GPN1: variants seen among roughly 807,000 people sequenced by gnomAD.
GPN1 encodes GPN-loop GTPase 1, also known as ATP(GTP)-binding protein.
GPN1 carries 44 observed loss-of-function variants against 55.9 expected under a neutral mutation model. The ratio of observed to expected loss-of-function variants is 0.79; its 90% confidence interval spans 0.62 to 1.01. The LOEUF (loss-of-function observed/expected upper bound fraction) is 1.01, where lower values mean the gene tolerates loss of function less well. GPN1 is among the 50% of genes least tolerant of loss of function. GPN1 has a pLI of 0.00. For synonymous variants in GPN1, 179 were observed against 162.5 expected, an observed-to-expected ratio of 1.10 and a Z score of -0.77; for missense variants, 466 against 462.8, an observed-to-expected ratio of 1.01 and a Z score of -0.06.
intron 3 of GPN1, chr2:27,631,342 C>T: frequency 2.0e-6 from 1 of 490,792 alleles, no homozygotes; most frequent in Non-Finnish European, 3.6e-6. Flanking sequence ...AGTATTTTGC[C>T]TTGGAGGATC....
At chr2:27,649,268 C>CA (rs996492260) in intron 13 of GPN1, among the ~76,000 whole-genome samples, 571 of 150,506 alleles carry the variant, frequency 3.8e-3, no homozygotes, top group African/African-American at 0.012. Context: ...AACAAACAAA[C>CA]AAAAAAACAC....
At chr2:27,630,423 CTG>C (rs1184548620) in intron 2 of GPN1, among the ~76,000 whole-genome samples, 1 of 117,678 alleles carries the variant, frequency 8.5e-6, no homozygotes. Context: ...GACAGAGTCT[CTG>C]TCACCCAGGC....
intron 9 of GPN1, among the ~76,000 whole-genome samples, 162 bp from the exon 10 acceptor site, chr2:27,639,881 T>C (rs1673869476): frequency 6.6e-6 from 1 of 152,228 alleles, no homozygotes; most frequent in Non-Finnish European, 1.5e-5. Flanking sequence ...GACTTTTGAC[T>C]GGGTGTGCTG....
intron 1 of GPN1, 103 bp downstream of exon 1, chr2:27,629,272 C>A: frequency 6.8e-7 from 1 of 1,480,480 alleles, no homozygotes; most frequent in Non-Finnish European, 9.3e-7. Context: ...AGGGTACCGG[C>A]GCATGGCTTT....
intron 6 of GPN1, 30 bp downstream of exon 6, chr2:27,634,954 T>C: frequency 7.7e-7 from 1 of 1,291,344 alleles, no homozygotes; most frequent in Non-Finnish European, 1.1e-6. Context: ...CTACTGAGAG[T>C]AGCTAGAGGG....
At position 27,643,197 on chromosome 2, in the gene GPN1, AT is replaced by A. The variant is rs199697263; in HGVS notation, c.931+691del. On this transcript the variant is annotated intron_variant, in intron 12 of 13. Transcript: ENST00000610189. The surrounding 1 kb of genome is among the most constrained non-coding windows in gnomAD (Gnocchi z 4.0). Reference sequence around the variant, plus strand: ...TCAATTTTTTTTATAATTAAAAAAAATTTTTTTTTTTTTACAGTTTGACCTT... The same window carrying A: ...TCAATTTTTTTTATAATTAAAAAAAATTTTTTTTTTTTACAGTTTGACCTT... 0.012 allele frequency among the ~76,000 whole-genome samples: 1,663 copies of A among 144,364 alleles called. 28 individuals are homozygous for A. Among genetic ancestry groups the A allele is most frequent in the African/African-American group, 0.036 (1,437 of 39,638 alleles). The allele number at this position is 144,364 out of a possible 152,430, so 94.7% of individuals were successfully genotyped here.
intron 9 of GPN1, among the ~76,000 whole-genome samples, chr2:27,639,677 C>G (rs1673863237): frequency 6.6e-6 from 1 of 151,916 alleles, no homozygotes; most frequent in African/African-American, 2.4e-5. Context: ...GTGCGGTATA[C>G]CATACCCAGC....
chr2:27,632,754 C>T, intron 5 of GPN1, 84 bp downstream of exon 5: 1 of 911,756 alleles, frequency 1.1e-6, no homozygotes, highest in Non-Finnish European at 1.8e-6. Flanking sequence ...TACCATCAGC[C>T]TCTGAAAGAA....
At chr2:27,639,804 A>G (rs1245292635) in intron 9 of GPN1, among the ~76,000 whole-genome samples, 2 of 152,190 alleles carry the variant, frequency 1.3e-5, no homozygotes, top group Non-Finnish European at 1.5e-5. Context: ...TAGTATAGGC[A>G]TGTGCCACTG....
chr2:27,636,476 ATTAATTAT>A (rs1673735279), intron 7 of GPN1, among the ~76,000 whole-genome samples: 2 of 152,008 alleles, frequency 1.3e-5, no homozygotes, highest in African/African-American at 4.8e-5. Context: ...TCATTTTCAT[ATTAATTAT>A]TTATTTATTT....
rs1331421385 is a variant in GPN1 at position 27,640,118 on chromosome 2, T to C, written c.793T>C (p.Tyr265His). ...FVQVTSAAEE[Y>H]EREYRPEYER... ...GCAAGTTACCAGTGCTGCCGAAGAATATGAAAGGTGAGGATAAAGGAAAAT... is the reference window on the plus strand; with the variant it reads ...GCAAGTTACCAGTGCTGCCGAAGAACATGAAAGGTGAGGATAAAGGAAAAT... The change falls in exon 10 of 14, where the codon TAT (tyrosine) becomes CAT (histidine). Residue 265 changes from tyrosine (Y) to histidine (H), a missense_variant. By Grantham distance (83) the Tyr-to-His change is moderately conservative. Coordinates refer to ENST00000610189, the MANE Select transcript of GPN1 (RefSeq NM_007266.4). 1 of 1,603,004 alleles carries C rather than the reference T, an allele frequency of 6.2e-7. No individual in the cohort carries two copies. The highest frequency in any genetic ancestry group is 1.3e-5 in the African/African-American group (1 of 74,706).
intron 11 of GPN1, chr2:27,641,990 TTG>T (rs1449530552): frequency 6.5e-6 from 1 of 154,374 alleles, no homozygotes; most frequent in Non-Finnish European, 1.4e-5. Flanking sequence ...CTTCAGGTTT[TTG>T]TGTTTTTTTT....
chr2:27,632,432 T>C (rs535238870), intron 4 of GPN1, among the ~76,000 whole-genome samples: 15 of 152,324 alleles, frequency 9.8e-5, no homozygotes, highest in South Asian at 4.1e-4. Context: ...TGCCCCAAGA[T>C]GGTATTGGAG....
chr2:27,642,958 T>TATATACACACACACACAC (rs10643705), intron 12 of GPN1, among the ~76,000 whole-genome samples: 1 of 122,610 alleles, frequency 8.2e-6, no homozygotes, highest in African/African-American at 3.0e-5. Flanking sequence ...TATATATATA[T>TATATACACACACACACAC]ACACACACAC....
rs760853522 is a variant in GPN1 at position 27,647,967 on chromosome 2, G to A, written c.1039+24G>A. The A allele has an allele frequency of 9.0e-6, 12 of 1,335,874 alleles. No individual in the cohort carries two copies. The South Asian group carries it at 1.1e-4, about 12-fold the overall frequency. 82.8% of individuals were successfully genotyped at this position (1,335,874 alleles called of 1,614,324 possible). ...AGGTGAGAGGTGGCTGAGGTGGCCC[G>A]TGGCAACAGAGCATCTGCTTATCCT... is the stretch of plus-strand genomic sequence containing the variant. On this transcript the variant is annotated intron_variant, in intron 13 of 13. Transcript: ENST00000610189.
Position 27,642,513 on chromosome 2 carries a change from G to GC in GPN1, c.927dup (p.Lys310GlnfsTer12), listed in dbSNP as rs774907709. On this transcript the variant is annotated frameshift_variant, in exon 12 of 14. Transcript: ENST00000610189. LOFTEE classifies it high-confidence loss of function. ...TTCTGTAGCCTTGGATGCAGGGACT[G>GC]CCAAAGGTATTGGAGGGTTTCTTGG... The GC allele has an allele frequency of 6.3e-7, 1 of 1,597,624 alleles. No individual in the cohort carries two copies. Among genetic ancestry groups the GC allele is most frequent in the South Asian group, 1.1e-5 (1 of 90,740 alleles).
chr2:27,645,149 T>G (rs1674164974), intron 12 of GPN1, among the ~76,000 whole-genome samples: 1 of 152,098 alleles, frequency 6.6e-6, no homozygotes, highest in South Asian at 2.1e-4. Context: ...AAGGAAATTT[T>G]TAATAGAGAC....
In GPN1 at chr2:27,630,928, G is replaced by A. The variant is rs1673522571; in HGVS notation, c.206-99G>A. The A allele has an allele frequency of 4.2e-6, 3 of 712,122 alleles. No individual in the cohort carries two copies. In the Admixed American group the frequency reaches 6.2e-5, roughly 15 times the overall value. The allele number at this position is 712,122 out of a possible 1,614,324, so 44.1% of individuals were successfully genotyped here. ...GTGTGAAAGTGGAGGTGGTAGAAGA[G>A]AATGCTGACAGGAGAAGGCTAGAAG... is the stretch of plus-strand genomic sequence containing the variant. On this transcript the variant is annotated intron_variant, in intron 2 of 13. Transcript: ENST00000610189.
intron 10 of GPN1, 48 bp downstream of exon 10, chr2:27,640,173 A>T (rs751125106): frequency 2.7e-5 from 33 of 1,209,556 alleles, no homozygotes; most frequent in Non-Finnish European, 3.9e-5. Context: ...ATAACCTACA[A>T]TTCTGATATG....
Sources: allele counts gnomAD v4.1 joint callset (sites outside exome capture counted in the v4.1 genomes callset), GRCh38; gene constraint gnomAD v4.1.1; non-coding constraint Gnocchi (gnomAD v3.1); transcripts MANE v1.5; gene names NCBI Gene and HGNC (gene_info 2026-07-23, HGNC 2026-07-21).